FAM184A: variants seen among roughly 807,000 people sequenced by gnomAD.
FAM184A encodes the protein family with sequence similarity 184 member A.
FAM184A carries 99 observed loss-of-function variants against 143.8 expected under a neutral mutation model. That is an observed-to-expected ratio of 0.69 (90% CI 0.58 to 0.81). The LOEUF (loss-of-function observed/expected upper bound fraction) is 0.81. Ranked by LOEUF, FAM184A falls within the 40% of genes least tolerant of loss-of-function variation. The probability of loss-of-function intolerance (pLI) is 0.00; values close to 1 mark genes in which losing one functional copy is unlikely to be tolerated. For synonymous variants in FAM184A, 427 were observed against 446.4 expected (o/e 0.96, Z 0.55); for missense variants, 1,217 against 1,310.5 (o/e 0.93, Z 1.10).
intron 1 of FAM184A, among the ~76,000 whole-genome samples, chr6:119,113,722 C>T (rs998879020): frequency 6.6e-6 from 1 of 152,162 alleles, no homozygotes; most frequent in Non-Finnish European, 1.5e-5. Context: ...GAGTGGATCA[C>T]TTGAGTTCAG....
At chr6:118,964,129 A>G (rs1454846641) in intron 16 of FAM184A, among the ~76,000 whole-genome samples, 2 of 152,184 alleles carry the variant, frequency 1.3e-5, no homozygotes, top group Non-Finnish European at 2.9e-5. Context: ...GTTTGAGACC[A>G]GCCTGAGCAA....
intron 1 of FAM184A, among the ~76,000 whole-genome samples, chr6:119,148,699 G>T (rs1772539621): frequency 6.6e-6 from 1 of 152,060 alleles, no homozygotes; most frequent in Admixed American, 6.5e-5. Context: ...CAGAATTTTT[G>T]AACAGATTGA....
chr6:119,115,321 A>G (rs1245121229), intron 1 of FAM184A, among the ~76,000 whole-genome samples: 1 of 152,198 alleles, frequency 6.6e-6, no homozygotes, highest in African/African-American at 2.4e-5. Context: ...GATACGGCTC[A>G]TATGCCTAAT....
chr6:119,129,909 G>A (rs1455904501), intron 1 of FAM184A, among the ~76,000 whole-genome samples: 2 of 152,122 alleles, frequency 1.3e-5, no homozygotes, highest in Non-Finnish European at 2.9e-5. Context: ...CTATTGTAAA[G>A]GTTGGTGGAA....
intron 9 of FAM184A, among the ~76,000 whole-genome samples, chr6:118,987,032 A>C (rs2051054): frequency 0.014 from 2,131 of 152,276 alleles, 43 homozygotes; most frequent in African/African-American, 0.049. Flanking sequence ...ACTAGGTAAA[A>C]TTTTTATTTT....
intron 1 of FAM184A, among the ~76,000 whole-genome samples, chr6:119,120,884 G>A (rs1431211608): frequency 1.7e-5 from 2 of 114,958 alleles, no homozygotes; most frequent in African/African-American, 6.6e-5. Context: ...GTCTTGTTCT[G>A]TTGCCCAGGC....
chr6:118,960,767 A>G (rs1783295384), intron 17 of FAM184A: 1 of 1,360,784 alleles, frequency 7.3e-7, no homozygotes, highest in South Asian at 1.1e-5. Context: ...AAGAATCCCT[A>G]CCGTCTTTGG....
intron 1 of FAM184A, among the ~76,000 whole-genome samples, chr6:119,138,853 C>T (rs1772110887): frequency 6.6e-6 from 1 of 152,168 alleles, no homozygotes; most frequent in African/African-American, 2.4e-5. Context: ...TCTTGAACTC[C>T]TGCCCTCAGG....
At chr6:119,144,993 G>C (rs1772379435) in intron 1 of FAM184A, among the ~76,000 whole-genome samples, 1 of 152,172 alleles carries the variant, frequency 6.6e-6, no homozygotes, top group African/African-American at 2.4e-5. Context: ...TAAATGTATT[G>C]GTCCTTCTCT....
At chr6:119,043,134 C>A (rs1205343907) in intron 1 of FAM184A, among the ~76,000 whole-genome samples, 1 of 151,982 alleles carries the variant, frequency 6.6e-6, no homozygotes, top group Non-Finnish European at 1.5e-5. Context: ...ATAAATGGAG[C>A]AATGTTCTAC....
At chr6:119,083,498 G>A (rs561105192), upstream of FAM184A, among the ~76,000 whole-genome samples, 2 of 152,132 alleles carry the variant, frequency 1.3e-5, no homozygotes, top group Non-Finnish European at 2.9e-5. Context: ...ATGACTGTAT[G>A]CTTTCAGAAA....
chr6:119,077,450 T>G (rs1184383033), intron 1 of FAM184A, among the ~76,000 whole-genome samples: 1 of 152,228 alleles, frequency 6.6e-6, no homozygotes, highest in Admixed American at 6.5e-5. Flanking sequence ...CTTCTCATTA[T>G]CAACATTAAA....
chr6:119,001,206 T>C (rs1784745968), intron 9 of FAM184A, among the ~76,000 whole-genome samples: 1 of 150,352 alleles, frequency 6.7e-6, no homozygotes, highest in Non-Finnish European at 1.5e-5. Flanking sequence ...TGTGCACTTG[T>C]TTTCTTAATT....
Position 118,961,774 on chromosome 6 carries a change from T to C in FAM184A, c.3328A>G (p.Lys1110Glu). The change falls in exon 17 of 18, where the codon AAG becomes GAG. Residue 1110 changes from lysine to glutamate, a missense_variant. Lys to Glu is a moderately conservative substitution (Grantham distance 56). Transcript: ENST00000338891. ...GACGGGTCTCACCTCAAAAATGTCT[T>C]GGGCCCTTTAGGTGGCACTGGCTGT... is the stretch of plus-strand genomic sequence containing the variant. ...LPQPVPPKGPKTFLSPAQSEA... is the reference protein window; with the variant it reads ...LPQPVPPKGPETFLSPAQSEA... The C allele has an allele frequency of 6.2e-7, 1 of 1,613,712 alleles. No homozygotes were observed. The highest frequency in any genetic ancestry group is 8.5e-7 in the Non-Finnish European group (1 of 1,179,718).
intron 1 of FAM184A, among the ~76,000 whole-genome samples, chr6:119,030,443 C>G (rs1313238347): frequency 1.3e-5 from 2 of 151,788 alleles, no homozygotes; most frequent in Non-Finnish European, 2.9e-5. Flanking sequence ...TAAAAATTCC[C>G]TATGTTCTTT....
In FAM184A at chr6:119,024,501, C is replaced by T; in HGVS notation, c.472G>A (p.Val158Ile). ...TCAAATTTCCTTCTAATCTCTTCGA[C>T]TTCTCTAGACATGGTCACTATGCGT... ...VQRIVTMSREVEEIRRKFEEK... is the reference protein window; with the variant it reads ...VQRIVTMSREIEEIRRKFEEK... Residue 158 changes from valine to isoleucine, a missense_variant, in exon 2 of 18, where the codon GTC (valine) becomes ATC (isoleucine). Physicochemically the swap from Val to Ile is conservative, Grantham distance 29. Transcript: ENST00000338891. The T allele has an allele frequency of 1.2e-6, 2 of 1,613,598 alleles. No homozygotes were observed. The highest frequency in any genetic ancestry group is 1.7e-6 in the Non-Finnish European group (2 of 1,179,878).
At chr6:119,016,039 G>A (rs1785237728) in intron 5 of FAM184A, among the ~76,000 whole-genome samples, 1 of 152,176 alleles carries the variant, frequency 6.6e-6, no homozygotes, top group Non-Finnish European at 1.5e-5. Context: ...CAAGGTTTGT[G>A]AGTGCACCAA....
chr6:119,118,456 C>T (rs1004619994), intron 1 of FAM184A, among the ~76,000 whole-genome samples: 6 of 152,082 alleles, frequency 3.9e-5, no homozygotes, highest in Admixed American at 6.5e-5. Flanking sequence ...TGAGTTGTTG[C>T]GGGAAGTCAG....
At chr6:119,008,002 G>A (rs1784977998) in intron 6 of FAM184A, among the ~76,000 whole-genome samples, 1 of 151,696 alleles carries the variant, frequency 6.6e-6, no homozygotes, top group African/African-American at 2.4e-5. Flanking sequence ...GTCTATTAAG[G>A]CAATTACAAA....
Sources: allele counts gnomAD v4.1 joint callset (sites outside exome capture counted in the v4.1 genomes callset), GRCh38; gene constraint gnomAD v4.1.1; transcripts MANE v1.5; gene names NCBI Gene and HGNC (gene_info 2026-07-23, HGNC 2026-07-21).